The following CDKAL1 variants were observed in gnomAD, a reference collection of about 807,000 sequenced individuals.
The protein encoded by CDKAL1 is CDKAL1 threonylcarbamoyladenosine tRNA methylthiotransferase, also known as threonylcarbamoyladenosine tRNA methylthiotransferase.
Under a neutral mutation model 68.2 loss-of-function variants are expected in CDKAL1, and 32 were observed. The observed-to-expected ratio is 0.47, with a 90% CI of 0.35 to 0.63. The LOEUF (loss-of-function observed/expected upper bound fraction) is 0.63, where lower values mean the gene tolerates loss of function less well. Among genes scored for constraint, CDKAL1 ranks in the 30% least tolerant of loss-of-function variants. The pLI, the probability that CDKAL1 is intolerant of heterozygous loss-of-function variation, is 0.00. For synonymous variants in CDKAL1, 234 were observed against 244.3 expected (o/e 0.96, Z 0.39); for missense variants, 606 against 696.7 (o/e 0.87, Z 1.47).
intron 7 of CDKAL1, among the ~76,000 whole-genome samples, chr6:20,761,209 G>A (rs1369286520): frequency 6.6e-6 from 1 of 152,186 alleles, no homozygotes; most frequent in African/African-American, 2.4e-5. Context: ...AAGCAGCAAT[G>A]CAATATAGTG....
chr6:20,725,850 G>A (rs972017312), intron 5 of CDKAL1, among the ~76,000 whole-genome samples: 17 of 147,940 alleles, frequency 1.1e-4, no homozygotes, highest in Non-Finnish European at 2.1e-4. Flanking sequence ...TTTCTCTCTT[G>A]CCCAAATTCT....
chr6:20,777,688 C>G (rs571840992), intron 7 of CDKAL1, among the ~76,000 whole-genome samples: 16 of 152,174 alleles, frequency 1.1e-4, no homozygotes, highest in African/African-American at 1.7e-4. Flanking sequence ...TTTAGCTTTA[C>G]ATGAGTCTCC....
chr6:20,706,443 C>T (rs1771599095), intron 5 of CDKAL1, among the ~76,000 whole-genome samples: 1 of 152,178 alleles, frequency 6.6e-6, no homozygotes, highest in African/African-American at 2.4e-5. Context: ...CTAGTTTCCA[C>T]CCTTACATTT....
intron 12 of CDKAL1, among the ~76,000 whole-genome samples, chr6:21,106,607 T>C (rs1180914092): frequency 6.6e-6 from 1 of 152,138 alleles, no homozygotes; most frequent in African/African-American, 2.4e-5. Context: ...CAATTTAAAA[T>C]AATACACATA....
At chr6:20,793,302 T>C (rs917539335) in intron 8 of CDKAL1, among the ~76,000 whole-genome samples, 2 of 152,196 alleles carry the variant, frequency 1.3e-5, no homozygotes, top group Admixed American at 1.3e-4. Context: ...AATTCTCAAT[T>C]ATATGCAAAG....
At chr6:20,564,901 G>A (rs1040629583) in intron 4 of CDKAL1, among the ~76,000 whole-genome samples, 4 of 152,262 alleles carry the variant, frequency 2.6e-5, no homozygotes, top group Non-Finnish European at 5.9e-5. Flanking sequence ...GTGATGAGAG[G>A]AGAATCTAGG....
chr6:21,064,454 A>G (rs1582125945), intron 11 of CDKAL1, among the ~76,000 whole-genome samples: 1 of 152,272 alleles, frequency 6.6e-6, no homozygotes, highest in Non-Finnish European at 1.5e-5. Flanking sequence ...TTTAGAAAAC[A>G]GTATTGATTT....
chr6:20,772,460 A>G (rs1426932003), intron 7 of CDKAL1, among the ~76,000 whole-genome samples: 1 of 152,228 alleles, frequency 6.6e-6, no homozygotes. Context: ...CATAAAAGAC[A>G]TATCTGCTTG....
At chr6:21,206,199 G>A (rs1478672444) in intron 15 of CDKAL1, among the ~76,000 whole-genome samples, 4 of 151,908 alleles carry the variant, frequency 2.6e-5, no homozygotes, top group South Asian at 2.1e-4. Context: ...AGTCTTATTC[G>A]ATAACTTCTG....
chr6:21,007,893 G>A (rs1315321602), intron 11 of CDKAL1, among the ~76,000 whole-genome samples: 1 of 152,112 alleles, frequency 6.6e-6, no homozygotes, highest in East Asian at 1.9e-4. Flanking sequence ...TTGTACTGCT[G>A]GTCTAATCTA....
intron 9 of CDKAL1, among the ~76,000 whole-genome samples, chr6:20,913,116 T>TACACACACACACACACAC (rs70990080): frequency 2.1e-4 from 28 of 136,460 alleles, no homozygotes; most frequent in African/African-American, 8.0e-4. Context: ...CACAGTTGTT[T>TACACACACACACACACAC]ACACACACAC....
At chr6:20,794,913 G>T (rs1434105981) in intron 8 of CDKAL1, among the ~76,000 whole-genome samples, 1 of 152,130 alleles carries the variant, frequency 6.6e-6, no homozygotes, top group African/African-American at 2.4e-5. Context: ...TGAAATATAT[G>T]TAGGTCAAAA....
chr6:20,546,278 T>A, intron 2 of CDKAL1, 68 bp from the exon 3 acceptor site: 2 of 1,207,448 alleles, frequency 1.7e-6, no homozygotes, highest in Non-Finnish European at 2.3e-6. Flanking sequence ...GGTGAGAATA[T>A]TTCATAAATG....
At position 20,921,417 on chromosome 6, in the gene CDKAL1, A is replaced by C. The variant is rs189233398; in HGVS notation, c.743-34002A>C. 6.3e-3 allele frequency among the ~76,000 whole-genome samples: 955 copies of C among 152,248 alleles called. 10 individuals carry two copies. Among genetic ancestry groups the C allele is most frequent in the African/African-American group, 0.022 (916 of 41,538 alleles). On this transcript the variant is annotated intron_variant, in intron 9 of 15. Coordinates refer to ENST00000274695, the MANE Select transcript of CDKAL1 (RefSeq NM_017774.3). Reference sequence around the variant, plus strand: ...ACTCCACCCTGGGAGGCTGAGCAAGACTCCGTCTCAAAATAAATAAATAAA... The same window carrying C: ...ACTCCACCCTGGGAGGCTGAGCAAGCCTCCGTCTCAAAATAAATAAATAAA...
At chr6:20,540,875 G>C (rs12200871) in intron 2 of CDKAL1, among the ~76,000 whole-genome samples, 1 of 152,088 alleles carries the variant, frequency 6.6e-6, no homozygotes, top group East Asian at 1.9e-4. Flanking sequence ...TGTAAGCATA[G>C]ACGTAGTTCA....
chr6:21,195,364 C>T (rs1429487521), intron 13 of CDKAL1, among the ~76,000 whole-genome samples: 6 of 152,004 alleles, frequency 3.9e-5, no homozygotes, highest in African/African-American at 1.4e-4. Flanking sequence ...GGTTTCACCA[C>T]GTTGGCCAGG....
intron 8 of CDKAL1, among the ~76,000 whole-genome samples, chr6:20,809,488 A>G (rs543575727): frequency 6.6e-6 from 1 of 152,268 alleles, no homozygotes; most frequent in South Asian, 2.1e-4. Context: ...AATTTAATGT[A>G]TTGATATTTT....
At chr6:20,568,334 A>C (rs1184831337) in intron 4 of CDKAL1, among the ~76,000 whole-genome samples, 1 of 152,058 alleles carries the variant, frequency 6.6e-6, no homozygotes, top group Non-Finnish European at 1.5e-5. Flanking sequence ...TTAGCTTTTA[A>C]ATTCTCGTCT....
At chr6:20,934,829 G>A (rs1763625640) in intron 9 of CDKAL1, among the ~76,000 whole-genome samples, 1 of 151,638 alleles carries the variant, frequency 6.6e-6, no homozygotes, top group South Asian at 2.1e-4. Flanking sequence ...GCCTGTGCAA[G>A]AGAGAGAGAG....
Sources: allele counts gnomAD v4.1 joint callset (sites outside exome capture counted in the v4.1 genomes callset), GRCh38; gene constraint gnomAD v4.1.1; transcripts MANE v1.5; gene names NCBI Gene and HGNC (gene_info 2026-07-23, HGNC 2026-07-21).